DDX6: variants seen among roughly 807,000 people sequenced by gnomAD.
DDX6 encodes the protein probable ATP-dependent RNA helicase DDX6.
In DDX6, 7 loss-of-function variants were observed where a neutral mutation model predicts 60.6. That is an observed-to-expected ratio of 0.12 (90% CI 0.07 to 0.22). The LOEUF (loss-of-function observed/expected upper bound fraction) is 0.22. DDX6 is among the 10% of genes least tolerant of loss of function. The pLI is 1.00. For missense variants in DDX6, 270 were observed against 589.9 expected (o/e 0.46, Z 5.62); for synonymous variants, 207 against 201.0 (o/e 1.03, Z -0.25).
intron 4 of DDX6, among the ~76,000 whole-genome samples, chr11:118,769,997 C>A (rs1195939597): frequency 1.3e-5 from 2 of 150,938 alleles, no homozygotes; most frequent in African/African-American, 4.9e-5. Flanking sequence ...CGTGAGCCAG[C>A]GCGCCGGGCC....
intron 4 of DDX6, among the ~76,000 whole-genome samples, chr11:118,768,818 G>C (rs768581854): frequency 6.7e-6 from 1 of 148,664 alleles, no homozygotes. Flanking sequence ...ACACCAGCCC[G>C]GGCAACTAGG....
intron 4 of DDX6, among the ~76,000 whole-genome samples, chr11:118,778,723 T>A (rs1380532293): frequency 3.3e-5 from 5 of 151,874 alleles, no homozygotes; most frequent in Admixed American, 6.6e-5. Flanking sequence ...TAATCAAAAT[T>A]AACATCACCA....
chr11:118,791,313 C>T (rs1356730396), upstream of DDX6: 1 of 152,128 alleles, frequency 6.6e-6, no homozygotes, highest in Non-Finnish European at 1.5e-5. Flanking sequence ...TCACTGCCTT[C>T]CTGGCCTGGT....
rs1314164917 is a variant in DDX6 at position 118,749,347 on chromosome 11, CAAAAAAGAAAG to C, written c.*2747_*2757del. 1 of 21,946 alleles carries C rather than the reference CAAAAAAGAAAG, an allele frequency of 4.6e-5. No homozygotes were observed. Among genetic ancestry groups the C allele is most frequent in the Non-Finnish European group, 1.0e-4 (1 of 9,624 alleles). The allele number at this position is 21,946 out of a possible 1,614,324, so 1.4% of individuals were successfully genotyped here. ...AGTAACAATGCTTATTATGAGGGCCCAAAAAAGAAAGAAAAAAAAAAAAAAAAAAAAAAAGA... is the reference window on the plus strand; with the variant it reads ...AGTAACAATGCTTATTATGAGGGCCCAAAAAAAAAAAAAAAAAAAAAAAGA... On this transcript the variant is annotated 3_prime_UTR_variant, in exon 14 of 14. Transcript: ENST00000534980.
chr11:118,781,076 C>A (rs1555164596), intron 3 of DDX6, 45 bp downstream of exon 3: 3 of 1,351,804 alleles, frequency 2.2e-6, no homozygotes, highest in African/African-American at 2.9e-5. Flanking sequence ...TACCTCACTT[C>A]TAGTTCCCCA....
intron 4 of DDX6, among the ~76,000 whole-genome samples, chr11:118,772,674 C>T (rs1190478131): frequency 1.2e-4 from 18 of 152,050 alleles, no homozygotes; most frequent in Non-Finnish European, 1.8e-4. Context: ...AAAAACAAAA[C>T]CCCAAAAAAC....
Position 118,763,196 on chromosome 11 carries a change from A to G in DDX6, c.741+16T>C, listed in dbSNP as rs1555160616. The G allele has an allele frequency of 1.3e-6, 2 of 1,560,718 alleles. No homozygotes were observed. Among genetic ancestry groups the G allele is most frequent in the Admixed American group, 3.8e-5 (2 of 53,302 alleles). ...AAAAGTACAGAACAGTATAATGCCA[A>G]ATGAAGAGACATTACCTCATCCAAT... On this transcript the variant is annotated intron_variant, in intron 7 of 13. Coordinates refer to ENST00000534980, the MANE Select transcript of DDX6 (RefSeq NM_004397.6).
chr11:118,778,692 C>A (rs149137577), intron 4 of DDX6, among the ~76,000 whole-genome samples: 1 of 151,990 alleles, frequency 6.6e-6, no homozygotes, highest in African/African-American at 2.4e-5. Flanking sequence ...AAGGGAAAAA[C>A]CACACAACAT....
chr11:118,775,461 CTGAT>C (rs1325216392), intron 4 of DDX6, among the ~76,000 whole-genome samples: 10 of 152,006 alleles, frequency 6.6e-5, no homozygotes, highest in African/African-American at 1.9e-4. Context: ...ACTTGTAACT[CTGAT>C]TGATTCTAAG....
At chr11:118,766,110 C>T (rs114230904) in intron 5 of DDX6, among the ~76,000 whole-genome samples, 1 of 151,908 alleles carries the variant, frequency 6.6e-6, no homozygotes, top group Non-Finnish European at 1.5e-5. Context: ...CCCTTATAAT[C>T]TAGATACCGA....
At chr11:118,785,616 T>TTAAA (rs539214625) in intron 2 of DDX6, among the ~76,000 whole-genome samples, 43 of 152,178 alleles carry the variant, frequency 2.8e-4, no homozygotes, top group Non-Finnish European at 5.0e-4. Context: ...GGGCAAGTCT[T>TTAAA]TAAAGACTCT....
At chr11:118,785,719 T>C (rs1439645318) in intron 2 of DDX6, 2 of 179,990 alleles carry the variant, frequency 1.1e-5, no homozygotes, top group Non-Finnish European at 2.3e-5. Flanking sequence ...AAAACTATAC[T>C]GACAAAAACG....
intron 13 of DDX6, among the ~76,000 whole-genome samples, chr11:118,752,307 T>C (rs953828965): frequency 6.6e-6 from 1 of 152,184 alleles, no homozygotes; most frequent in Non-Finnish European, 1.5e-5. Flanking sequence ...AATGTTCTGA[T>C]AGCAGGCAGC....
intron 3 of DDX6, 150 bp from the exon 4 acceptor site, chr11:118,779,886 C>T (rs753915999): frequency 2.3e-5 from 13 of 568,078 alleles, no homozygotes; most frequent in East Asian, 1.3e-4. Flanking sequence ...GAGGCCAAGG[C>T]GGGCAGATCA....
chr11:118,780,393 C>G (rs1409781197), intron 3 of DDX6, among the ~76,000 whole-genome samples: 1 of 152,108 alleles, frequency 6.6e-6, no homozygotes, highest in Non-Finnish European at 1.5e-5. Context: ...TCTCGGCTCA[C>G]TGCAACCTCT....
chr11:118,759,014 G>A (rs782251033), intron 8 of DDX6, 112 bp from the exon 9 acceptor site: 29 of 1,375,546 alleles, frequency 2.1e-5, no homozygotes, highest in Non-Finnish European at 2.7e-5. Flanking sequence ...TGCTGTAAGG[G>A]ACGCAACTCT....
At position 118,786,124 on chromosome 11, in the gene DDX6, T is replaced by C; in HGVS notation, c.128A>G (p.Asn43Ser). 1.2e-6 allele frequency: 2 copies of C among 1,613,996 alleles called. No individual in the cohort carries two copies. Among genetic ancestry groups the C allele is most frequent in the South Asian group, 2.2e-5 (2 of 91,082 alleles). ...GATTGTGTTGGTGTTTTTCAGCTGG[T>C]TCATCTGTTGCTGTGTCTGTGTGCC... The part of the protein sequence containing the change: ...GGGTQTQQQM[N>S]QLKNTNTINN... Residue 43 changes from asparagine to serine, a missense_variant, in exon 2 of 14, where the codon AAC (asparagine) becomes AGC (serine). By Grantham distance (46) the Asn-to-Ser change is conservative. Transcript: ENST00000534980.
intron 4 of DDX6, among the ~76,000 whole-genome samples, chr11:118,771,171 T>C (rs1260395272): frequency 1.3e-5 from 2 of 152,180 alleles, no homozygotes; most frequent in African/African-American, 2.4e-5. Context: ...AGTTTTACAG[T>C]ATTGAAAAAG....
At chr11:118,765,127 A>C in intron 6 of DDX6, 82 bp downstream of exon 6, 1 of 1,532,114 alleles carries the variant, frequency 6.5e-7, no homozygotes, top group Non-Finnish European at 8.9e-7. Flanking sequence ...TTAATTCTTA[A>C]AAACAATTTT....
Sources: gnomAD v4.1 joint callset for allele counts (sites outside exome capture counted in the v4.1 genomes callset) on GRCh38, gnomAD v4.1.1 for gene constraint, MANE v1.5 for transcripts, NCBI Gene and HGNC (gene_info 2026-07-23, HGNC 2026-07-21) for gene names.